SATB2: variants seen among roughly 807,000 people sequenced by gnomAD.
The protein encoded by SATB2 is DNA-binding protein SATB2.
A neutral mutation model predicts 73.4 loss-of-function variants in SATB2; 1 was observed. That is an observed-to-expected ratio of 0.01 (90% confidence interval 0.00 to 0.06). The LOEUF (loss-of-function observed/expected upper bound fraction) is 0.06. Ranked by LOEUF, SATB2 falls within the 10% of genes least tolerant of loss-of-function variation. The probability of loss-of-function intolerance (pLI) is 1.00; values close to 1 mark genes in which losing one functional copy is unlikely to be tolerated. For missense variants in SATB2, 459 were observed against 945.8 expected (o/e 0.49, Z 6.75); for synonymous variants, 397 against 367.0 (o/e 1.08, Z -0.93).
intron 9 of SATB2, among the ~76,000 whole-genome samples, chr2:199,312,963 G>A (rs913012667): frequency 6.6e-5 from 10 of 152,210 alleles, no homozygotes; most frequent in African/African-American, 2.4e-4. Context: ...GTCACAGACT[G>A]CAGAAGACTA....
At chr2:199,276,478 A>AT (rs1692315866) in intron 10 of SATB2, among the ~76,000 whole-genome samples, 1 of 152,200 alleles carries the variant, frequency 6.6e-6, no homozygotes, top group African/African-American at 2.4e-5. Flanking sequence ...GAGTCATGCC[A>AT]TTGATTGCTG....
Position 199,457,039 on chromosome 2 carries a change from CG to C in SATB2, c.-60+299del, listed in dbSNP as rs927080202. Among the ~76,000 whole-genome samples the C allele has an allele frequency of 6.6e-6, 1 of 152,086 alleles. No homozygotes were observed. The highest frequency in any genetic ancestry group is 2.4e-5 in the African/African-American group (1 of 41,404). ...CGGCGCTCGCGTTGTCACTGACACCCGCAAGAAGCAAGACCCCGGCACCGTA... is the reference window on the plus strand; with the variant it reads ...CGGCGCTCGCGTTGTCACTGACACCCCAAGAAGCAAGACCCCGGCACCGTA... On this transcript the variant is annotated intron_variant, in intron 1 of 10. Transcript: ENST00000417098. This position sits in a 1 kb window ranked among gnomAD's most constrained non-coding sequence, Gnocchi z 4.8.
chr2:199,308,940 C>G lies in SATB2; in HGVS notation c.1560G>C (p.Leu520=). The stretch of plus-strand genomic sequence containing the variant: ...GGCTTGGGTTCTCCTTCCAGCGGAG[C>G]AGTTCACACAGCCAGCCCTGTAGAG... ...ANKSQGWLCE[L]LRWKENPSPE... is the part of the protein sequence containing the mutation. The change falls in exon 10 of 11, where the codon CTG becomes CTC. Residue 520 remains leucine, a synonymous_variant. Transcript: ENST00000417098. This position sits in a 1 kb window ranked among gnomAD's most constrained non-coding sequence, Gnocchi z 4.6. The G allele has an allele frequency of 6.2e-7, 1 of 1,614,118 alleles. No homozygotes were observed. Among genetic ancestry groups the G allele is most frequent in the Non-Finnish European group, 8.5e-7 (1 of 1,179,996 alleles).
intron 5 of SATB2, among the ~76,000 whole-genome samples, chr2:199,373,894 A>C (rs1389829248): frequency 6.6e-6 from 1 of 152,212 alleles, no homozygotes; most frequent in African/African-American, 2.4e-5. Context: ...ACATACATGA[A>C]CTTAGGTTAA....
intron 7 of SATB2, among the ~76,000 whole-genome samples, chr2:199,335,418 G>C (rs1368260413): frequency 6.6e-6 from 1 of 152,142 alleles, no homozygotes; most frequent in Non-Finnish European, 1.5e-5. Context: ...TGTATGTACA[G>C]TACACTGCAA....
intron 3 of SATB2, among the ~76,000 whole-genome samples, chr2:199,392,370 T>G (rs1343366253): frequency 6.6e-6 from 1 of 152,096 alleles, no homozygotes; most frequent in Non-Finnish European, 1.5e-5. Context: ...TTTTATTTCC[T>G]TCTAAGTGTG....
Position 199,433,489 on chromosome 2 carries a change from G to A in SATB2, c.195C>T (p.Val65=), listed in dbSNP as rs147613731. The change falls in exon 3 of 11, where the codon GTC becomes GTT. Residue 65 remains valine, a synonymous_variant. Coordinates refer to ENST00000417098, the MANE Select transcript of SATB2 (RefSeq NM_001172509.2). The part of the protein sequence containing the change: ...VGGLMIPVFC[V]VEQLDGSLEY... ...CAAGAGAGCCGTCCAACTGCTCCAC[G>A]ACACAAAAGACAGGAATCATCAAAC... is the stretch of plus-strand genomic sequence containing the variant. 1.9e-4 allele frequency: 311 copies of A among 1,614,012 alleles called. 2 individuals carry two copies. The highest frequency in any genetic ancestry group is 1.7e-3 in the African/African-American group (131 of 75,004).
chr2:199,274,241 G>GT (rs1692244428), intron 10 of SATB2, among the ~76,000 whole-genome samples: 1 of 152,046 alleles, frequency 6.6e-6, no homozygotes. Flanking sequence ...AACACGTCTA[G>GT]TTACATTAAA....
chr2:199,467,048 G>A (rs974697122), upstream of SATB2, among the ~76,000 whole-genome samples: 2 of 152,242 alleles, frequency 1.3e-5, no homozygotes, highest in Non-Finnish European at 2.9e-5. Context: ...CCCAGGCTGA[G>A]GACAGAGCTA....
rs529712824 is a variant in SATB2, at chr2:199,318,776, A to G, written c.1542+5027T>C. Among the ~76,000 whole-genome samples, 22 of 151,398 alleles carry G rather than the reference A, an allele frequency of 1.5e-4. 1 individual carries two copies. In the South Asian group the frequency reaches 3.7e-3, roughly 26 times the overall value. The stretch of plus-strand genomic sequence containing the variant: ...TTTAAGAAGAGATGCAAAAACAAAA[A>G]TTAATTACTCTCTTTCCTTTATTTT... On this transcript the variant is annotated intron_variant, in intron 9 of 10. Transcript: ENST00000417098.
At chr2:199,351,045 A>G (rs1044614065) in intron 6 of SATB2, among the ~76,000 whole-genome samples, 27 of 151,594 alleles carry the variant, frequency 1.8e-4, no homozygotes, top group Admixed American at 3.9e-4. Context: ...AAAAAAAAAA[A>G]AAAGAAAACC....
intron 2 of SATB2, among the ~76,000 whole-genome samples, chr2:199,435,417 C>T (rs1691623545): frequency 1.3e-5 from 2 of 151,026 alleles, no homozygotes; most frequent in African/African-American, 2.4e-5. Context: ...GGTGCAATCT[C>T]GGCTCACTGC....
chr2:199,338,230 T>C (rs994022331), intron 7 of SATB2, among the ~76,000 whole-genome samples: 1 of 152,066 alleles, frequency 6.6e-6, no homozygotes, highest in Non-Finnish European at 1.5e-5. Flanking sequence ...TAGCCATGCA[T>C]GGTGACACAT....
chr2:199,381,627 G>A, intron 4 of SATB2, 67 bp downstream of exon 4: 1 of 1,582,728 alleles, frequency 6.3e-7, no homozygotes. Flanking sequence ...GCTGATCTTT[G>A]CAGTGAATCT....
intron 6 of SATB2, among the ~76,000 whole-genome samples, chr2:199,365,704 T>A (rs939635381): frequency 6.6e-6 from 1 of 152,170 alleles, no homozygotes. Flanking sequence ...AGTTTTTACA[T>A]CTGTTTTTAA....
chr2:199,432,501 A>G (rs1322708966), intron 3 of SATB2, among the ~76,000 whole-genome samples: 3 of 152,246 alleles, frequency 2.0e-5, no homozygotes, highest in Non-Finnish European at 1.5e-5. Context: ...ATAGTAATAC[A>G]GGACACTAAC....
intron 10 of SATB2, among the ~76,000 whole-genome samples, chr2:199,275,341 T>C (rs1559137427): frequency 1.3e-5 from 2 of 152,154 alleles, no homozygotes; most frequent in Admixed American, 6.5e-5. Context: ...AATACATATG[T>C]ACAGAGAAGC....
chr2:199,458,826 C>A (rs935290149), upstream of SATB2: 2 of 330,072 alleles, frequency 6.1e-6, no homozygotes, highest in African/African-American at 2.3e-5. Context: ...GCGAGCTCCC[C>A]CTCCGCGCCG....
At chr2:199,311,829 T>G (rs1206597845) in intron 9 of SATB2, among the ~76,000 whole-genome samples, 1 of 152,178 alleles carries the variant, frequency 6.6e-6, no homozygotes, top group Non-Finnish European at 1.5e-5. Flanking sequence ...CCAGCCCATT[T>G]GGGATGCTTA....
Sources: gnomAD v4.1 joint callset for allele counts (sites outside exome capture counted in the v4.1 genomes callset) on GRCh38, gnomAD v4.1.1 for gene constraint, Gnocchi (gnomAD v3.1) non-coding constraint, MANE v1.5 for transcripts, NCBI Gene and HGNC (gene_info 2026-07-23, HGNC 2026-07-21) for gene names.